The following TJP2 variants were observed in gnomAD, a reference collection of about 807,000 sequenced individuals.
TJP2 encodes the protein Friedreich ataxia region gene X104 (tight junction protein ZO-2).
In TJP2, 91 loss-of-function variants were observed where a neutral mutation model predicts 133.1. The ratio of observed to expected loss-of-function variants is 0.68; its 90% CI spans 0.58 to 0.81. TJP2 has a LOEUF of 0.81. Among genes scored for constraint, TJP2 ranks in the 40% least tolerant of loss-of-function variants. The probability of loss-of-function intolerance (pLI) is 0.00; values close to 1 mark genes in which losing one functional copy is unlikely to be tolerated. For synonymous variants in TJP2, 592 were observed against 583.4 expected (o/e 1.01, Z -0.21); for missense variants, 1,541 against 1,565.6 (o/e 0.98, Z 0.26).
intron 1 of TJP2, among the ~76,000 whole-genome samples, chr9:69,206,783 TAGTC>T (rs201399094): frequency 0.018 from 2,684 of 152,268 alleles, 83 homozygotes; most frequent in African/African-American, 0.061. Context: ...TTAACCATGT[TAGTC>T]AGTATGGTCT....
intron 1 of TJP2, among the ~76,000 whole-genome samples, chr9:69,198,835 A>G (rs928339846): frequency 2.0e-5 from 3 of 152,262 alleles, no homozygotes; most frequent in African/African-American, 7.2e-5. Flanking sequence ...TACAGAAAGT[A>G]TTGTTGGATG....
At chr9:69,242,257 A>G (rs566239824) in intron 17 of TJP2, among the ~76,000 whole-genome samples, 1 of 152,214 alleles carries the variant, frequency 6.6e-6, no homozygotes. Context: ...AGAGGGGTCC[A>G]TGTGTGTAGA....
chr9:69,162,999 T>C (rs1824159671), intron 2 of TJP2, among the ~76,000 whole-genome samples: 1 of 152,106 alleles, frequency 6.6e-6, no homozygotes, highest in Non-Finnish European at 1.5e-5. Context: ...TGCAAATAAT[T>C]ATTTTTTAAA....
chr9:69,248,807 C>T, intron 19 of TJP2: 2 of 994,540 alleles, frequency 2.0e-6, no homozygotes, highest in Non-Finnish European at 2.4e-6. Context: ...ACTGTAAAGT[C>T]ACAGCCAAGT....
chr9:69,196,610 A>T (rs1033569975), intron 1 of TJP2, among the ~76,000 whole-genome samples: 3 of 51,616 alleles, frequency 5.8e-5, no homozygotes, highest in Non-Finnish European at 1.3e-4. Context: ...CTTTTTTTTA[A>T]AAACAGCTTT....
chr9:69,159,172 G>A (rs1259958195), intron 2 of TJP2, among the ~76,000 whole-genome samples: 3 of 152,018 alleles, frequency 2.0e-5, no homozygotes, highest in Admixed American at 6.6e-5. Context: ...AAAAATAGCT[G>A]GGTGTGGTGG....
chr9:69,159,431 C>T (rs1234529995), intron 2 of TJP2, among the ~76,000 whole-genome samples: 2 of 151,982 alleles, frequency 1.3e-5, no homozygotes, highest in African/African-American at 4.8e-5. Flanking sequence ...TACAAGTAAT[C>T]AAACATTTAT....
chr9:69,231,169 G>T (rs541713660), intron 11 of TJP2, among the ~76,000 whole-genome samples: 1 of 152,162 alleles, frequency 6.6e-6, no homozygotes, highest in South Asian at 2.1e-4. Flanking sequence ...GAGTGCAGTG[G>T]TGCTATCTCA....
chr9:69,160,762 A>ATT (rs143483132), intron 2 of TJP2, among the ~76,000 whole-genome samples: 2,355 of 152,332 alleles, frequency 0.015, 51 homozygotes, highest in African/African-American at 0.054. Context: ...ATCATGGCAG[A>ATT]AGGTAAAAAG....
At chr9:69,199,691 TCTTA>T (rs1361780301) in intron 1 of TJP2, among the ~76,000 whole-genome samples, 1 of 152,242 alleles carries the variant, frequency 6.6e-6, no homozygotes, top group Non-Finnish European at 1.5e-5. Context: ...GCTCCCTCTG[TCTTA>T]CTTTGTCTTT....
intron 2 of TJP2, among the ~76,000 whole-genome samples, chr9:69,156,123 G>A (rs529819253): frequency 6.6e-5 from 10 of 152,302 alleles, no homozygotes; most frequent in African/African-American, 2.4e-4. Context: ...CTAGCACTTT[G>A]GGAGGCCCAG....
chr9:69,233,960 CAG>C (rs146440621), intron 11 of TJP2, among the ~76,000 whole-genome samples: 6,943 of 152,222 alleles, frequency 0.046, 192 homozygotes, highest in Middle Eastern at 0.11. Flanking sequence ...TAGAATTGGT[CAG>C]AGTCTTTATT....
rs1241792147 is a variant in TJP2 at position 69,255,134 on chromosome 9, CTATT to C, written c.*762_*765del. 2 of 152,560 alleles carry C rather than the reference CTATT, an allele frequency of 1.3e-5. No homozygotes were observed. The highest frequency in any genetic ancestry group is 1.3e-4 in the Admixed American group (2 of 15,294). The allele number at this position is 152,560 out of a possible 1,614,324, so 9.5% of individuals were successfully genotyped here. ...CAAAAGCAGATACTTGAGGAAAACA[CTATT>C]TCCAAAAGCACATGTATTGACAACA... is the stretch of plus-strand genomic sequence containing the variant. On this transcript the variant is annotated 3_prime_UTR_variant, in exon 23 of 23. Coordinates refer to ENST00000377245, the MANE Select transcript of TJP2 (RefSeq NM_004817.4).
At chr9:69,147,456 T>C (rs1823261700) in intron 1 of TJP2, among the ~76,000 whole-genome samples, 1 of 152,210 alleles carries the variant, frequency 6.6e-6, no homozygotes, top group Non-Finnish European at 1.5e-5. Context: ...TCCTGAATTC[T>C]AGTTTAGTGT....
chr9:69,221,023 G>GT lies in TJP2; in HGVS notation c.479_480insT (p.Leu161AlafsTer22). ...CGGAGTGGCTACAGCGAGAGGAGCC[G>GT]GCTGAACAGCCATGGGGGGCGCAGC... On this transcript the variant is annotated frameshift_variant, in exon 5 of 23. Coordinates refer to ENST00000377245, the MANE Select transcript of TJP2 (RefSeq NM_004817.4). LOFTEE classifies it high-confidence loss of function. The GT allele has an allele frequency of 6.2e-7, 1 of 1,609,802 alleles. No homozygotes were observed. Among genetic ancestry groups the GT allele is most frequent in the Non-Finnish European group, 8.5e-7 (1 of 1,178,722 alleles).
At chr9:69,167,951 A>G (rs935698993) in intron 2 of TJP2, among the ~76,000 whole-genome samples, 12 of 152,202 alleles carry the variant, frequency 7.9e-5, no homozygotes, top group Non-Finnish European at 1.8e-4. Flanking sequence ...GTAGATGCCA[A>G]CGTGTTGGGT....
At chr9:69,138,892 G>A (rs1822892289) in intron 1 of TJP2, among the ~76,000 whole-genome samples, 1 of 151,972 alleles carries the variant, frequency 6.6e-6, no homozygotes, top group Admixed American at 6.6e-5. Context: ...ACTCCAGCCT[G>A]GGTGACACAG....
At chr9:69,190,573 T>C (rs909635462) in intron 1 of TJP2, among the ~76,000 whole-genome samples, 3 of 151,952 alleles carry the variant, frequency 2.0e-5, no homozygotes, top group Admixed American at 1.3e-4. Flanking sequence ...CAAAACAAGT[T>C]TATCCCCAAA....
At chr9:69,161,378 G>A (rs994848526) in intron 2 of TJP2, among the ~76,000 whole-genome samples, 1 of 152,092 alleles carries the variant, frequency 6.6e-6, no homozygotes, top group South Asian at 2.1e-4. Flanking sequence ...ACAGGCATGC[G>A]CCACCACACC....
Sources: allele counts gnomAD v4.1 joint callset (sites outside exome capture counted in the v4.1 genomes callset), GRCh38; gene constraint gnomAD v4.1.1; transcripts MANE v1.5; gene names NCBI Gene and HGNC (gene_info 2026-07-23, HGNC 2026-07-21).